The following KCNT2 variants were observed in gnomAD, a reference collection of about 807,000 sequenced individuals.
KCNT2 encodes the protein potassium sodium-activated channel subfamily T member 2.
KCNT2 carries 67 observed loss-of-function variants against 153.8 expected under a neutral mutation model. The ratio of observed to expected loss-of-function variants is 0.44; its 90% CI spans 0.36 to 0.53. KCNT2 has a LOEUF of 0.53. Among genes scored for constraint, KCNT2 ranks in the 20% least tolerant of loss-of-function variants. The pLI is 0.00. For missense variants in KCNT2, 975 were observed against 1,354.8 expected (o/e 0.72, Z 4.40); for synonymous variants, 500 against 458.8 (o/e 1.09, Z -1.15).
At chr1:196,316,609 T>C (rs776023151) in intron 20 of KCNT2, among the ~76,000 whole-genome samples, 1 of 151,772 alleles carries the variant, frequency 6.6e-6, no homozygotes, top group Non-Finnish European at 1.5e-5. Context: ...GCAAGCCTAC[T>C]GTTTAGCCAG....
intron 1 of KCNT2, among the ~76,000 whole-genome samples, chr1:196,602,754 T>C (rs1664868368): frequency 2.0e-5 from 3 of 149,858 alleles, no homozygotes; most frequent in Admixed American, 6.7e-5. Context: ...TATTACACTA[T>C]ATATATTCAA....
intron 14 of KCNT2, among the ~76,000 whole-genome samples, chr1:196,370,698 A>C (rs1453905100): frequency 6.6e-6 from 1 of 152,124 alleles, no homozygotes; most frequent in African/African-American, 2.4e-5. Context: ...CAGCAATTCT[A>C]CTCCTAGATA....
intron 22 of KCNT2, among the ~76,000 whole-genome samples, chr1:196,287,632 T>A (rs74133657): frequency 6.6e-6 from 1 of 152,172 alleles, no homozygotes; most frequent in African/African-American, 2.4e-5. Flanking sequence ...CAACGCTAAT[T>A]AAAATTAATT....
chr1:196,481,495 A>T (rs996488303), intron 4 of KCNT2, among the ~76,000 whole-genome samples: 2 of 152,226 alleles, frequency 1.3e-5, no homozygotes, highest in Non-Finnish European at 2.9e-5. Context: ...TAGTTTAAAG[A>T]TTGCTCCTAA....
chr1:196,333,767 T>A, intron 17 of KCNT2, 80 bp downstream of exon 17: 1 of 792,174 alleles, frequency 1.3e-6, no homozygotes, highest in South Asian at 1.5e-5. Context: ...CCTTACCTAT[T>A]GGGAAGGTAT....
intron 1 of KCNT2, among the ~76,000 whole-genome samples, chr1:196,526,664 G>A (rs982194033): frequency 1.3e-5 from 2 of 152,048 alleles, no homozygotes; most frequent in Non-Finnish European, 2.9e-5. Context: ...TGTTGGCCAG[G>A]ATGGTCTCAA....
chr1:196,461,838 T>A (rs1218236099), intron 8 of KCNT2, among the ~76,000 whole-genome samples: 1 of 151,704 alleles, frequency 6.6e-6, no homozygotes, highest in African/African-American at 2.4e-5. Flanking sequence ...TTATTTCAGT[T>A]TGGCACTAAA....
At chr1:196,342,282 G>A (rs929998026) in intron 14 of KCNT2, 54 bp from the exon 15 acceptor site, 3 of 1,508,708 alleles carry the variant, frequency 2.0e-6, no homozygotes, top group African/African-American at 2.8e-5. Context: ...CACAGTGAAT[G>A]TGGTTAAAAA....
intron 12 of KCNT2, among the ~76,000 whole-genome samples, chr1:196,417,253 C>A (rs1672830597): frequency 6.6e-6 from 1 of 152,084 alleles, no homozygotes; most frequent in African/African-American, 2.4e-5. Flanking sequence ...ATACTGACAT[C>A]TCAAGGGTTA....
intron 13 of KCNT2, among the ~76,000 whole-genome samples, chr1:196,396,728 A>G (rs1263393593): frequency 6.6e-6 from 1 of 151,696 alleles, no homozygotes; most frequent in East Asian, 1.9e-4. Flanking sequence ...AGAAATATTG[A>G]GATAAATGGT....
intron 26 of KCNT2, among the ~76,000 whole-genome samples, chr1:196,256,709 AATAT>A (rs144323772): frequency 1.2e-3 from 176 of 144,130 alleles, no homozygotes; most frequent in Non-Finnish European, 1.9e-3. Flanking sequence ...TTATCATGGA[AATAT>A]ATATATATAT....
At chr1:196,319,391 G>A (rs1663056875) in intron 20 of KCNT2, 93 bp downstream of exon 20, 5 of 677,892 alleles carry the variant, frequency 7.4e-6, no homozygotes, top group South Asian at 2.6e-5. Context: ...TACTGACACG[G>A]CAAATTACAC....
At chr1:196,465,846 GA>G (rs914737350) in intron 7 of KCNT2, among the ~76,000 whole-genome samples, 12 of 148,528 alleles carry the variant, frequency 8.1e-5, no homozygotes, top group African/African-American at 3.0e-4. Flanking sequence ...ATTTTGAAAA[GA>G]AAAAAAAATA....
intron 1 of KCNT2, among the ~76,000 whole-genome samples, chr1:196,585,973 C>A (rs1392701968): frequency 6.6e-6 from 1 of 151,958 alleles, no homozygotes; most frequent in Non-Finnish European, 1.5e-5. Context: ...ATTAGCAGGC[C>A]AAGCATGATG....
intron 1 of KCNT2, among the ~76,000 whole-genome samples, chr1:196,543,958 T>TTTAC (rs10626544): frequency 0.99 from 150,994 of 152,250 alleles, 74,886 homozygotes; most frequent in Middle Eastern, 1. Context: ...TCATAGCAGC[T>TTTAC]TTGTAATAGC....
At chr1:196,464,465 A>C (rs181659565) in intron 8 of KCNT2, among the ~76,000 whole-genome samples, 1 of 152,060 alleles carries the variant, frequency 6.6e-6, no homozygotes, top group African/African-American at 2.4e-5. Flanking sequence ...ATTTACATGC[A>C]TACATGTATA....
intron 7 of KCNT2, among the ~76,000 whole-genome samples, chr1:196,466,765 T>C (rs999110692): frequency 4.6e-5 from 7 of 151,998 alleles, no homozygotes; most frequent in African/African-American, 9.7e-5. Flanking sequence ...GTTCAGTATA[T>C]AGTGAACATG....
chr1:196,406,586 C>G (rs1454107149), intron 12 of KCNT2, among the ~76,000 whole-genome samples: 1 of 119,188 alleles, frequency 8.4e-6, no homozygotes, highest in Admixed American at 9.0e-5. Context: ...CAATCTACAT[C>G]AAAGTCAAAA....
chr1:196,608,285 G>C lies in KCNT2; in HGVS notation c.25C>G (p.Pro9Ala). The part of the protein sequence containing the change: MVDLESEV[P>A]PLPPRYRFRD... ...AACCTGTACCTGGGAGGCAGAGGGG[G>C]CACTTCGCTCTCCAAATCAACCATC... The change falls in exon 1 of 28, where the codon CCC becomes GCC. Residue 9 changes from proline (P) to alanine (A), a missense_variant. Physicochemically the swap from Pro to Ala is conservative, Grantham distance 27 (BLOSUM62 -1). Coordinates refer to ENST00000294725, the MANE Select transcript of KCNT2 (RefSeq NM_198503.5). 1 of 1,614,044 alleles carries C rather than the reference G, an allele frequency of 6.2e-7. No individual in the cohort carries two copies. Among genetic ancestry groups the C allele is most frequent in the Non-Finnish European group, 8.5e-7 (1 of 1,179,924 alleles).
Sources: gnomAD v4.1 joint callset for allele counts (sites outside exome capture counted in the v4.1 genomes callset) on GRCh38, gnomAD v4.1.1 for gene constraint, MANE v1.5 for transcripts, NCBI Gene and HGNC (gene_info 2026-07-23, HGNC 2026-07-21) for gene names.